The following NDUFAF6 variants were observed in gnomAD, a reference collection of about 807,000 sequenced individuals.
NDUFAF6 encodes NADH:ubiquinone oxidoreductase complex assembly factor 6, also known as NADH dehydrogenase (ubiquinone) complex I, assembly factor 6.
NDUFAF6 carries 45 observed loss-of-function variants against 40.8 expected under a neutral mutation model. The ratio of observed to expected loss-of-function variants is 1.10; its 90% CI spans 0.87 to 1.42. The LOEUF (loss-of-function observed/expected upper bound fraction) is 1.42, where lower values mean the gene tolerates loss of function less well. Among genes scored for constraint, NDUFAF6 ranks in the 40% most tolerant of loss-of-function variants. NDUFAF6 has a pLI of 0.00. For synonymous variants in NDUFAF6, 185 were observed against 155.9 expected (o/e 1.19, Z -1.39); for missense variants, 435 against 418.5 (o/e 1.04, Z -0.34).
At chr8:95,029,470 G>A (rs1459571595) in intron 1 of NDUFAF6, among the ~76,000 whole-genome samples, 1 of 152,168 alleles carries the variant, frequency 6.6e-6, no homozygotes, top group Admixed American at 6.5e-5. Context: ...GTACAAGGAC[G>A]CTTTCCCGTA....
At chr8:94,922,201 G>A (rs975619165) in intron 1 of NDUFAF6, among the ~76,000 whole-genome samples, 10 of 151,874 alleles carry the variant, frequency 6.6e-5, no homozygotes, top group African/African-American at 1.2e-4. Context: ...AAGTAGAGAC[G>A]AGGTTTCACC....
chr8:94,999,313 G>A (rs192859619), intron 2 of NDUFAF6, among the ~76,000 whole-genome samples: 91 of 151,884 alleles, frequency 6.0e-4, no homozygotes, highest in African/African-American at 2.1e-3. Flanking sequence ...TAGTAGAGAC[G>A]GGGTTTCACC....
chr8:94,915,359 C>T lies in NDUFAF6; in HGVS notation c.-936+19432C>T, dbSNP rs567712368. Among the ~76,000 whole-genome samples, 59 of 152,286 alleles carry T rather than the reference C, an allele frequency of 3.9e-4. No individual in the cohort carries two copies. In the East Asian group the frequency reaches 0.01, roughly 27 times the overall value. ...TTCTGCATTAATTTACTTAGAATGA[C>T]GGCCTCCAGCTGCATCCATGTGGCT... On this transcript the variant is annotated intron_variant, in intron 1 of 14. Coordinates refer to the NDUFAF6 transcript ENST00000396113.
intron 1 of NDUFAF6, among the ~76,000 whole-genome samples, chr8:94,917,110 CAAAA>C (rs35834003): frequency 2.2e-5 from 2 of 89,568 alleles, no homozygotes; most frequent in African/African-American, 4.3e-5. Flanking sequence ...GACTCCATCT[CAAAA>C]AAAAAAAAAA....
intron 1 of NDUFAF6, chr8:94,927,366 C>A (rs2945554): frequency 0.63 from 96,104 of 152,048 alleles, 30,862 homozygotes; most frequent in East Asian, 0.79. Context: ...GAAGCAGAAA[C>A]AATGCTGAAC....
At chr8:94,959,431 T>A in intron 1 of NDUFAF6, among the ~76,000 whole-genome samples, 1 of 152,160 alleles carries the variant, frequency 6.6e-6, no homozygotes, top group East Asian at 1.9e-4. Context: ...ATTTGCCTAA[T>A]TGACAACTAA....
At chr8:94,994,712 A>C (rs1301271128) in intron 2 of NDUFAF6, among the ~76,000 whole-genome samples, 1 of 152,058 alleles carries the variant, frequency 6.6e-6, no homozygotes, top group Non-Finnish European at 1.5e-5. Context: ...ATGTACCTGT[A>C]GTCCTAGCTA....
rs34170290 is a variant in NDUFAF6, at chr8:94,922,479, A to AT, written c.-935-22987dup. The stretch of plus-strand genomic sequence containing the variant: ...CAGACCTACTGGATTAGAATCTGCA[A>AT]TTTTTTTTTTTTTTTTTGAGGCAGA... On this transcript the variant is annotated intron_variant, in intron 1 of 14. Coordinates refer to the NDUFAF6 transcript ENST00000396113. Among the ~76,000 whole-genome samples the AT allele has an allele frequency of 9.2e-3, 1,249 of 135,556 alleles. 8 individuals carry two copies. Among genetic ancestry groups the AT allele is most frequent in the Non-Finnish European group, 0.012 (716 of 62,172 alleles). The allele number at this position is 135,556 out of a possible 152,430, so 88.9% of individuals were successfully genotyped here. A position where few individuals can be genotyped will look rare whatever the true frequency, so the allele number is the denominator to read the frequency against.
chr8:95,041,306 T>C (rs1830119767), intron 3 of NDUFAF6, among the ~76,000 whole-genome samples: 1 of 152,196 alleles, frequency 6.6e-6, no homozygotes, highest in Admixed American at 6.5e-5. Context: ...TGTTTGAAAG[T>C]GGAATTGTTA....
upstream of NDUFAF6, among the ~76,000 whole-genome samples, chr8:95,020,036 T>C (rs1216155159): frequency 1.3e-5 from 2 of 152,054 alleles, no homozygotes; most frequent in Non-Finnish European, 2.9e-5. Context: ...CTGTCTCTAC[T>C]AAAAATACAA....
At chr8:94,992,106 G>A (rs2131619719) in intron 2 of NDUFAF6, among the ~76,000 whole-genome samples, 1 of 152,342 alleles carries the variant, frequency 6.6e-6, no homozygotes, top group East Asian at 1.9e-4. Flanking sequence ...ACCCAGCAAT[G>A]TATGAGGGTG....
intron 2 of NDUFAF6, among the ~76,000 whole-genome samples, chr8:95,094,785 G>C (rs796472779): frequency 1.6e-5 from 2 of 127,088 alleles, no homozygotes; most frequent in Non-Finnish European, 3.2e-5. Flanking sequence ...TAGGGTCTTC[G>C]TCTGTTATCC....
chr8:94,931,901 G>A (rs1407301573), intron 1 of NDUFAF6, among the ~76,000 whole-genome samples: 1 of 152,130 alleles, frequency 6.6e-6, no homozygotes, highest in African/African-American at 2.4e-5. Context: ...GAATCTGGGG[G>A]GTGGAGGCTG....
chr8:95,042,479 C>T (rs977042995), intron 4 of NDUFAF6, among the ~76,000 whole-genome samples: 8 of 152,050 alleles, frequency 5.3e-5, no homozygotes, highest in African/African-American at 1.7e-4. Context: ...TTAGGGAACT[C>T]AAGACAGAGA....
chr8:95,087,751 A>G (rs768715772), intron 2 of NDUFAF6: 1 of 152,268 alleles, frequency 6.6e-6, no homozygotes, highest in Admixed American at 6.5e-5. Flanking sequence ...TGCTGGGTCC[A>G]GCTGAGCCAT....
At chr8:94,954,129 C>T (rs1387346391), upstream of NDUFAF6, among the ~76,000 whole-genome samples, 1 of 143,958 alleles carries the variant, frequency 6.9e-6, no homozygotes, top group Non-Finnish European at 1.5e-5. Flanking sequence ...GTGGCGTGAT[C>T]TCCACTCATT....
At chr8:94,955,099 A>G (rs1374646980), upstream of NDUFAF6, among the ~76,000 whole-genome samples, 2 of 152,234 alleles carry the variant, frequency 1.3e-5, no homozygotes, top group African/African-American at 4.8e-5. Flanking sequence ...AAGAGGGACA[A>G]TAATACCAGC....
At chr8:95,001,616 A>AT (rs1826738862) in intron 2 of NDUFAF6, among the ~76,000 whole-genome samples, 1 of 152,094 alleles carries the variant, frequency 6.6e-6, no homozygotes, top group Non-Finnish European at 1.5e-5. Context: ...TTGCCCAGGT[A>AT]TTTTTTTGCC....
In NDUFAF6 at chr8:95,036,487, G is replaced by A. The variant is rs901543097; in HGVS notation, c.420+911G>A. 3.1e-6 allele frequency: 4 copies of A among 1,289,338 alleles called. No homozygotes were observed. In the South Asian group the frequency reaches 4.9e-5, roughly 16 times the overall value. 79.9% of individuals were successfully genotyped at this position (1,289,338 alleles called of 1,614,324 possible). ...TGGGGATTGAGAAGAAAAAGTGGATGGGAAGCTGTGAGTATTAGATTAGTT... is the reference window on the plus strand; with the variant it reads ...TGGGGATTGAGAAGAAAAAGTGGATAGGAAGCTGTGAGTATTAGATTAGTT... On this transcript the variant is annotated intron_variant, in intron 3 of 8. Coordinates refer to ENST00000396124, the MANE Select transcript of NDUFAF6 (RefSeq NM_152416.4).
Sources: allele counts gnomAD v4.1 joint callset (sites outside exome capture counted in the v4.1 genomes callset), GRCh38; gene constraint gnomAD v4.1.1; transcripts MANE v1.5; gene names NCBI Gene and HGNC (gene_info 2026-07-23, HGNC 2026-07-21).